The following ALK variants were observed in gnomAD, a reference collection of about 807,000 sequenced individuals.
The protein encoded by ALK is ALK tyrosine kinase receptor.
Under a neutral mutation model 163.1 loss-of-function variants are expected in ALK, and 74 were observed. That is an observed-to-expected ratio of 0.45 (90% confidence interval 0.38 to 0.55). The LOEUF is 0.55. Ranked by LOEUF, ALK falls within the 20% of genes least tolerant of loss-of-function variation. The pLI is 0.00. For synonymous variants in ALK, 960 were observed against 843.2 expected, an observed-to-expected ratio of 1.14 and a Z score of -2.40; for missense variants, 2,063 against 2,105.3, an observed-to-expected ratio of 0.98 and a Z score of 0.39.
At chr2:29,200,620 G>C (rs967938555) in intron 26 of ALK, among the ~76,000 whole-genome samples, 1 of 151,136 alleles carries the variant, frequency 6.6e-6, no homozygotes, top group African/African-American at 2.4e-5. Flanking sequence ...TCTATATTTT[G>C]TATGCCAGAT....
chr2:29,490,751 T>C (rs932823990), intron 4 of ALK, among the ~76,000 whole-genome samples: 20 of 152,222 alleles, frequency 1.3e-4, no homozygotes, highest in African/African-American at 4.8e-4. Flanking sequence ...TACTGAAATA[T>C]AGTCATTAAA....
At chr2:29,412,479 T>A (rs1226051795) in intron 4 of ALK, among the ~76,000 whole-genome samples, 1 of 152,230 alleles carries the variant, frequency 6.6e-6, no homozygotes, top group African/African-American at 2.4e-5. Context: ...TTAAAAACCT[T>A]GAAACCTGAC....
chr2:29,196,925 C>T (rs1669037569), intron 27 of ALK, 65 bp from the exon 28 acceptor site: 2 of 1,416,122 alleles, frequency 1.4e-6, no homozygotes, highest in Non-Finnish European at 2.0e-6. Context: ...TATTTTCTTC[C>T]AGCCCCAGGG....
intron 3 of ALK, among the ~76,000 whole-genome samples, chr2:29,604,844 C>T (rs1675496102): frequency 6.6e-6 from 1 of 152,206 alleles, no homozygotes; most frequent in African/African-American, 2.4e-5. Flanking sequence ...TGTTTCAGCT[C>T]ACCCTGCTCA....
chr2:29,623,435 C>A (rs1211650428), intron 3 of ALK, among the ~76,000 whole-genome samples: 6 of 151,898 alleles, frequency 4.0e-5, no homozygotes, highest in African/African-American at 1.5e-4. Context: ...ATGAAAATGA[C>A]ATAAAACACA....
intron 3 of ALK, among the ~76,000 whole-genome samples, chr2:29,638,872 G>C (rs1676620779): frequency 6.6e-6 from 1 of 152,140 alleles, no homozygotes; most frequent in Non-Finnish European, 1.5e-5. Context: ...AAAATGCAGA[G>C]AATGAGGCTC....
intron 1 of ALK, among the ~76,000 whole-genome samples, chr2:29,758,736 C>T (rs2631942): frequency 0.69 from 105,683 of 152,140 alleles, 41,644 homozygotes; most frequent in Non-Finnish European, 0.89. Context: ...TCTTCTTCTT[C>T]AATTAAAAAG....
At chr2:29,367,609 C>T (rs573701095) in intron 5 of ALK, among the ~76,000 whole-genome samples, 31 of 152,338 alleles carry the variant, frequency 2.0e-4, no homozygotes, top group African/African-American at 6.0e-4. Flanking sequence ...GGCAAGGTTA[C>T]ACCTTAAGCA....
chr2:29,251,294 C>CA, intron 11 of ALK, 27 bp from the exon 12 acceptor site: 1 of 1,607,718 alleles, frequency 6.2e-7, no homozygotes, highest in South Asian at 1.1e-5. Flanking sequence ...GAGGCAGTCA[C>CA]TCATGTGGCC....
intron 5 of ALK, among the ~76,000 whole-genome samples, chr2:29,361,903 C>T (rs1024560143): frequency 1.3e-4 from 20 of 152,200 alleles, no homozygotes; most frequent in African/African-American, 4.1e-4. Context: ...GTCTTTGAAA[C>T]AAATAATCTT....
chr2:29,835,338 A>T (rs1478640281), intron 1 of ALK, among the ~76,000 whole-genome samples: 1 of 152,218 alleles, frequency 6.6e-6, no homozygotes, highest in Non-Finnish European at 1.5e-5. Flanking sequence ...ATCTGAGAGT[A>T]CTGAAACCAC....
At chr2:29,225,192 G>A (rs1663923780) in intron 19 of ALK, among the ~76,000 whole-genome samples, 1 of 152,100 alleles carries the variant, frequency 6.6e-6, no homozygotes, top group Non-Finnish European at 1.5e-5. Context: ...GGACACTGAA[G>A]GAGCTCCCCA....
chr2:29,890,563 G>A (rs192619765), intron 1 of ALK: 1 of 152,322 alleles, frequency 6.6e-6, no homozygotes, highest in African/African-American at 2.4e-5. Context: ...TCCTTCTAAA[G>A]AGAACCAACA....
At chr2:29,654,129 C>A (rs1677112033) in intron 3 of ALK, among the ~76,000 whole-genome samples, 1 of 152,162 alleles carries the variant, frequency 6.6e-6, no homozygotes, top group Non-Finnish European at 1.5e-5. Context: ...ATGTCACTGG[C>A]ATAGTCCAAC....
intron 1 of ALK, among the ~76,000 whole-genome samples, chr2:29,731,817 G>A (rs374870869): frequency 9.8e-5 from 15 of 152,334 alleles, no homozygotes; most frequent in African/African-American, 3.6e-4. Flanking sequence ...TGAACCATGG[G>A]CTAATTGGAT....
intron 1 of ALK, among the ~76,000 whole-genome samples, chr2:29,816,328 G>T (rs1399146717): frequency 2.6e-5 from 4 of 152,266 alleles, no homozygotes; most frequent in Middle Eastern, 3.4e-3. Context: ...TCTCTCTAGA[G>T]GAGATAAAAA....
At chr2:29,350,791 G>A (rs1668090369) in intron 5 of ALK, among the ~76,000 whole-genome samples, 1 of 152,170 alleles carries the variant, frequency 6.6e-6, no homozygotes, top group African/African-American at 2.4e-5. Flanking sequence ...AGACACTCAG[G>A]CCCAGAGAGG....
rs116359663 is a variant in ALK, at chr2:29,421,762, T to C, written c.1155-37903A>G. 2.1e-3 allele frequency among the ~76,000 whole-genome samples: 323 copies of C among 151,662 alleles called. 3 individuals are homozygous for C. The highest frequency in any genetic ancestry group is 3.5e-3 in the Admixed American group (54 of 15,276). ...CATGAGACTCCTAAGTGCCAGCCAC[T>C]GGTCAGGCATCCTGTGTACCTCTGC... is the stretch of plus-strand genomic sequence containing the variant. On this transcript the variant is annotated intron_variant, in intron 4 of 28. Coordinates refer to ENST00000389048, the MANE Select transcript of ALK (RefSeq NM_004304.5).
At position 29,867,120 on chromosome 2, in the gene ALK, A is replaced by C. The variant is rs575373488; in HGVS notation, c.667+52873T>G. 2.0e-5 allele frequency among the ~76,000 whole-genome samples: 3 copies of C among 152,218 alleles called. No individual in the cohort carries two copies. In the South Asian group the frequency reaches 6.2e-4, roughly 32 times the overall value. Reference sequence around the variant, plus strand: ...CCAGCCCCTCCAGATTCTGCAAGACACTCCACGGCACAACAGTAGAATGTT... The same window carrying C: ...CCAGCCCCTCCAGATTCTGCAAGACCCTCCACGGCACAACAGTAGAATGTT... On this transcript the variant is annotated intron_variant, in intron 1 of 28. Coordinates refer to ENST00000389048, the MANE Select transcript of ALK (RefSeq NM_004304.5).
Sources: allele counts gnomAD v4.1 joint callset (sites outside exome capture counted in the v4.1 genomes callset), GRCh38; gene constraint gnomAD v4.1.1; transcripts MANE v1.5; gene names NCBI Gene and HGNC (gene_info 2026-07-23, HGNC 2026-07-21).